OSBPL11: variants seen among roughly 807,000 people sequenced by gnomAD.
OSBPL11 encodes oxysterol binding protein like 11.
In OSBPL11, 33 loss-of-function variants were observed where a neutral mutation model predicts 84.4. The observed-to-expected ratio is 0.39, with a 90% CI of 0.30 to 0.52. OSBPL11 has a LOEUF of 0.52. Among genes scored for constraint, OSBPL11 ranks in the 20% least tolerant of loss-of-function variants. The pLI, the probability that OSBPL11 is intolerant of heterozygous loss-of-function variation, is 0.72. For missense variants in OSBPL11, 736 were observed against 901.1 expected (o/e 0.82, Z 2.35); for synonymous variants, 276 against 310.2 (o/e 0.89, Z 1.16).
At chr3:125,559,056 C>T (rs554027654) in intron 8 of OSBPL11, among the ~76,000 whole-genome samples, 1 of 152,312 alleles carries the variant, frequency 6.6e-6, no homozygotes, top group South Asian at 2.1e-4. Context: ...TACAGCCATG[C>T]CCAATCCAGT....
intron 10 of OSBPL11, 38 bp from the exon 11 acceptor site, chr3:125,538,671 G>A (rs1935678856): frequency 1.3e-6 from 2 of 1,529,932 alleles, no homozygotes; most frequent in East Asian, 2.3e-5. Context: ...GCTCTAATAA[G>A]TGATATCATG....
chr3:125,531,907 C>A lies in OSBPL11; in HGVS notation c.2132G>T (p.Arg711Leu). The A allele has an allele frequency of 6.2e-7, 1 of 1,613,972 alleles. No individual in the cohort carries two copies. The highest frequency in any genetic ancestry group is 1.3e-5 in the African/African-American group (1 of 75,018). ...EERQRTEERH[R>L]TETGTPWKTK... is the part of the protein sequence containing the mutation. ...TTTCCAAGGTGTGCCTGTTTCAGTA[C>A]GATGCCTTTCTTCAGTCCTCTGACG... The change falls in exon 12 of 13, where the codon CGT becomes CTT. Residue 711 changes from arginine (R) to leucine (L), a missense_variant. This residue lies in a region of OSBPL11 where 579 missense variants were observed against 717.6 expected (regional missense o/e 0.81). Transcript: ENST00000296220.
chr3:125,532,871 C>T (rs1195464916), intron 11 of OSBPL11, among the ~76,000 whole-genome samples: 1 of 151,698 alleles, frequency 6.6e-6, no homozygotes, highest in Non-Finnish European at 1.5e-5. Context: ...CAATGAACCA[C>T]TGATACATGC....
At chr3:125,572,112 A>G (rs943103232) in intron 5 of OSBPL11, among the ~76,000 whole-genome samples, 3 of 152,258 alleles carry the variant, frequency 2.0e-5, no homozygotes, top group Admixed American at 1.3e-4. Flanking sequence ...GATGTGAGAC[A>G]TGGAGTCAAA....
intron 1 of OSBPL11, among the ~76,000 whole-genome samples, chr3:125,586,989 T>C (rs1936522786): frequency 6.6e-6 from 1 of 152,098 alleles, no homozygotes; most frequent in Non-Finnish European, 1.5e-5. Context: ...AAAAAGGCAA[T>C]AACTAATAAC....
intron 5 of OSBPL11, 121 bp from the exon 6 acceptor site, chr3:125,567,716 G>T: frequency 1.3e-6 from 1 of 758,026 alleles, no homozygotes; most frequent in Non-Finnish European, 2.1e-6. Flanking sequence ...TACTAGGCTA[G>T]GCATGGTGGC....
chr3:125,535,220 A>G (rs1004224305), intron 11 of OSBPL11, among the ~76,000 whole-genome samples: 9 of 151,960 alleles, frequency 5.9e-5, no homozygotes, highest in African/African-American at 2.2e-4. Context: ...ACTATATGAC[A>G]ATAAATTTGA....
chr3:125,544,317 A>G (rs1935778570), intron 10 of OSBPL11, among the ~76,000 whole-genome samples: 1 of 152,142 alleles, frequency 6.6e-6, no homozygotes, highest in South Asian at 2.1e-4. Context: ...CAGCTTCCCA[A>G]ACTGTTGGGA....
chr3:125,561,818 A>G (rs1327250077), intron 7 of OSBPL11, among the ~76,000 whole-genome samples: 5 of 152,218 alleles, frequency 3.3e-5, no homozygotes, highest in East Asian at 3.8e-4. Flanking sequence ...ATCATTTCCC[A>G]TAAGCCAGGT....
At chr3:125,573,872 CAAAAAAAA>C (rs35902125) in intron 5 of OSBPL11, among the ~76,000 whole-genome samples, 2 of 43,524 alleles carry the variant, frequency 4.6e-5, no homozygotes, top group Non-Finnish European at 8.1e-5. Context: ...AACTCCGTCT[CAAAAAAAA>C]AAAAAAAAAA....
chr3:125,551,509 C>T lies in OSBPL11; in HGVS notation c.1654+672G>A, dbSNP rs1229668727. 1.3e-5 allele frequency among the ~76,000 whole-genome samples: 2 copies of T among 152,046 alleles called. 1 individual carries two copies. Among genetic ancestry groups the T allele is most frequent in the Admixed American group, 1.3e-4 (2 of 15,258 alleles). ...AATCGCCAGGCACGGTGGCTCATGC[C>T]TGTAATCCCATCACTTTGGGAGGCC... is the stretch of plus-strand genomic sequence containing the variant. On this transcript the variant is annotated intron_variant, in intron 9 of 12. Coordinates refer to ENST00000296220, the MANE Select transcript of OSBPL11 (RefSeq NM_022776.5).
At chr3:125,567,628 A>C in intron 5 of OSBPL11, 33 bp from the exon 6 acceptor site, 73 of 1,554,520 alleles carry the variant, frequency 4.7e-5, no homozygotes, top group Non-Finnish European at 6.2e-5. Context: ...GGTCCTACTC[A>C]TGATTTCTGT....
At chr3:125,559,300 A>G (rs1666408748) in intron 8 of OSBPL11, among the ~76,000 whole-genome samples, 1 of 152,218 alleles carries the variant, frequency 6.6e-6, no homozygotes, top group African/African-American at 2.4e-5. Flanking sequence ...TTTCCAGTAT[A>G]GTATACCAAT....
chr3:125,583,717 ACTGT>A (rs1936462835), intron 1 of OSBPL11, among the ~76,000 whole-genome samples: 1 of 152,052 alleles, frequency 6.6e-6, no homozygotes, highest in African/African-American at 2.4e-5. Flanking sequence ...ATAATGAGAC[ACTGT>A]CTCTCTTTAT....
At chr3:125,593,746 C>A (rs1936637620) in intron 1 of OSBPL11, among the ~76,000 whole-genome samples, 1 of 152,002 alleles carries the variant, frequency 6.6e-6, no homozygotes, top group East Asian at 1.9e-4. Flanking sequence ...TGGCTTTAAT[C>A]CCTTCCAAGT....
intron 9 of OSBPL11, among the ~76,000 whole-genome samples, chr3:125,550,406 C>CAA (rs1491042248): frequency 1.8e-5 from 2 of 108,604 alleles, no homozygotes; most frequent in Non-Finnish European, 1.9e-5. Context: ...CACACACACA[C>CAA]AACAAACAAA....
intron 8 of OSBPL11, among the ~76,000 whole-genome samples, chr3:125,555,726 C>T (rs1318819368): frequency 6.6e-6 from 1 of 152,054 alleles, no homozygotes; most frequent in Non-Finnish European, 1.5e-5. Context: ...GCTCTGTCAC[C>T]CAGGCTGGAG....
At chr3:125,586,104 A>T (rs1359783816) in intron 1 of OSBPL11, among the ~76,000 whole-genome samples, 2 of 152,164 alleles carry the variant, frequency 1.3e-5, no homozygotes, top group Non-Finnish European at 2.9e-5. Context: ...AAAATGTGCA[A>T]ATTTTTATAG....
intron 6 of OSBPL11, among the ~76,000 whole-genome samples, chr3:125,566,042 G>A (rs1246732042): frequency 6.6e-6 from 1 of 152,192 alleles, no homozygotes; most frequent in East Asian, 1.9e-4. Context: ...TCTCACTCTT[G>A]TCACCCAGGC....
Sources: gnomAD v4.1 joint callset for allele counts (sites outside exome capture counted in the v4.1 genomes callset) on GRCh38, gnomAD v4.1.1 for gene constraint, gnomAD v4.1.1 regional missense constraint, MANE v1.5 for transcripts, NCBI Gene and HGNC (gene_info 2026-07-23, HGNC 2026-07-21) for gene names.